The following TENM3 variants were observed in gnomAD, a reference collection of about 807,000 sequenced individuals.
The protein encoded by TENM3 is teneurin-3.
Under a neutral mutation model 255.1 loss-of-function variants are expected in TENM3, and 63 were observed. That is an observed-to-expected ratio of 0.25 (90% CI 0.20 to 0.30). The LOEUF is 0.30. Ranked by LOEUF, TENM3 falls within the 10% of genes least tolerant of loss-of-function variation. The probability of loss-of-function intolerance (pLI) is 1.00; values close to 1 mark genes in which losing one functional copy is unlikely to be tolerated. For missense variants in TENM3, 2,929 were observed against 3,461.1 expected (o/e 0.85, Z 3.86); for synonymous variants, 1,306 against 1,322.3 (o/e 0.99, Z 0.27).
intron 22 of TENM3, among the ~76,000 whole-genome samples, chr4:182,760,058 G>T (rs777504105): frequency 1.9e-4 from 29 of 152,144 alleles, no homozygotes; most frequent in Non-Finnish European, 4.0e-4. Flanking sequence ...TACGGACTGA[G>T]TAAACCATCT....
intron 3 of TENM3, among the ~76,000 whole-genome samples, chr4:182,572,425 AT>A (rs1466504795): frequency 6.6e-6 from 1 of 152,184 alleles, no homozygotes; most frequent in Non-Finnish European, 1.5e-5. Context: ...GCAGTATAAT[AT>A]TTTAGTTTAC....
At chr4:181,933,021 G>A in the TENM3 span, among the ~76,000 whole-genome samples, 1 of 152,112 alleles carries the variant, frequency 6.6e-6, no homozygotes, top group Admixed American at 6.5e-5. Flanking sequence ...CCAGGGGGTT[G>A]GGGGCAAGGG....
At chr4:181,488,029 A>G in the TENM3 span, among the ~76,000 whole-genome samples, 2 of 152,194 alleles carry the variant, frequency 1.3e-5, no homozygotes, top group Admixed American at 6.5e-5. Context: ...TGGGTCTCCA[A>G]GTCATGGTGG....
intron 3 of TENM3, among the ~76,000 whole-genome samples, chr4:182,430,680 G>A (rs938215196): frequency 2.0e-5 from 3 of 151,586 alleles, no homozygotes; most frequent in Non-Finnish European, 2.9e-5. Flanking sequence ...TGGCTTTGTC[G>A]ATCACAAAGC....
chr4:182,331,839 A>G (rs1227951015), intron 2 of TENM3, among the ~76,000 whole-genome samples: 1 of 152,236 alleles, frequency 6.6e-6, no homozygotes, highest in Non-Finnish European at 1.5e-5. Flanking sequence ...TTAAACAATA[A>G]TATAGTAGCT....
intron 1 of TENM3, among the ~76,000 whole-genome samples, chr4:182,229,838 G>C (rs181657376): frequency 1.1e-3 from 169 of 152,260 alleles, no homozygotes; most frequent in Non-Finnish European, 1.9e-3. Flanking sequence ...GTTGAATACA[G>C]TGTACATAAC....
At chr4:181,759,993 C>A in the TENM3 span, among the ~76,000 whole-genome samples, 1 of 151,984 alleles carries the variant, frequency 6.6e-6, no homozygotes, top group Non-Finnish European at 1.5e-5. Context: ...GGCTCTAGGG[C>A]CTATGGTCTT....
chr4:182,351,900 G>A (rs1415152565), intron 3 of TENM3, among the ~76,000 whole-genome samples: 1 of 152,140 alleles, frequency 6.6e-6, no homozygotes, highest in Non-Finnish European at 1.5e-5. Flanking sequence ...GTGAGTTCAG[G>A]TATGCCTGGT....
intron 3 of TENM3, among the ~76,000 whole-genome samples, chr4:182,402,268 G>A (rs902877493): frequency 2.0e-5 from 3 of 152,136 alleles, no homozygotes; most frequent in South Asian, 2.1e-4. Context: ...AAAACTATAC[G>A]CGGAAAGACC....
chr4:182,565,499 T>A (rs1407182895), intron 3 of TENM3, among the ~76,000 whole-genome samples: 1 of 152,234 alleles, frequency 6.6e-6, no homozygotes, highest in Non-Finnish European at 1.5e-5. Context: ...CTATGTTGAT[T>A]ATTCAACCAT....
chr4:181,452,569 A>C, the TENM3 span, among the ~76,000 whole-genome samples: 3 of 152,258 alleles, frequency 2.0e-5, no homozygotes, highest in African/African-American at 7.2e-5. Context: ...CCCTTCCACC[A>C]TGATTGTAAG....
chr4:181,601,816 GGGGTT>G, the TENM3 span, among the ~76,000 whole-genome samples: 1 of 152,102 alleles, frequency 6.6e-6, no homozygotes, highest in Non-Finnish European at 1.5e-5. Flanking sequence ...AGAGGTACTG[GGGGTT>G]GGGCTTCAAC....
the TENM3 span, among the ~76,000 whole-genome samples, chr4:181,601,084 G>T: frequency 6.6e-6 from 1 of 152,110 alleles, no homozygotes; most frequent in African/African-American, 2.4e-5. Flanking sequence ...AATACTACCG[G>T]TGCACATCGG....
chr4:181,607,646 G>A, the TENM3 span, among the ~76,000 whole-genome samples: 2 of 151,850 alleles, frequency 1.3e-5, no homozygotes. Flanking sequence ...CTCGTGATCT[G>A]CCTGCCTCAG....
the TENM3 span, among the ~76,000 whole-genome samples, chr4:181,891,441 C>A: frequency 1.3e-5 from 2 of 152,152 alleles, no homozygotes; most frequent in Non-Finnish European, 2.9e-5. Context: ...GCTTTTGATA[C>A]CGTGATTCCC....
intron 13 of TENM3, among the ~76,000 whole-genome samples, chr4:182,715,807 A>G (rs1759115396): frequency 6.6e-6 from 1 of 152,154 alleles, no homozygotes; most frequent in African/African-American, 2.4e-5. Context: ...GCCGACAGTC[A>G]TTCTCAAAGC....
chr4:181,839,534 C>A, the TENM3 span, among the ~76,000 whole-genome samples: 1 of 148,108 alleles, frequency 6.8e-6, no homozygotes, highest in Non-Finnish European at 1.5e-5. Context: ...CACACACATG[C>A]TCATATGTGC....
At chr4:182,161,967 A>G (rs1353616309) in intron 1 of TENM3, among the ~76,000 whole-genome samples, 1,989 of 17,904 alleles carry the variant, frequency 0.11, 520 homozygotes, top group African/African-American at 0.18. Flanking sequence ...GTGTATATAT[A>G]TATATATATA....
intron 16 of TENM3, among the ~76,000 whole-genome samples, chr4:182,735,192 G>A (rs1446834218): frequency 6.6e-6 from 1 of 152,140 alleles, no homozygotes; most frequent in Non-Finnish European, 1.5e-5. Context: ...TTTTGCTTAA[G>A]ACCGTTTTGT....
Sources: gnomAD v4.1 joint callset for allele counts (sites outside exome capture counted in the v4.1 genomes callset) on GRCh38, gnomAD v4.1.1 for gene constraint, MANE v1.5 for transcripts, NCBI Gene and HGNC (gene_info 2026-07-23, HGNC 2026-07-21) for gene names.